PTBP2: variants seen among roughly 807,000 people sequenced by gnomAD.
The protein encoded by PTBP2 is polypyrimidine tract-binding protein 2.
In PTBP2, 13 loss-of-function variants were observed where a neutral mutation model predicts 61.4. The ratio of observed to expected loss-of-function variants is 0.21; its 90% CI spans 0.14 to 0.34. The LOEUF (loss-of-function observed/expected upper bound fraction) is 0.34. Ranked by LOEUF, PTBP2 falls within the 10% of genes least tolerant of loss-of-function variation. The probability of loss-of-function intolerance (pLI) is 1.00; values close to 1 mark genes in which losing one functional copy is unlikely to be tolerated. For missense variants in PTBP2, 405 were observed against 642.6 expected (o/e 0.63, Z 4.00); for synonymous variants, 215 against 218.5 (o/e 0.98, Z 0.14).
chr1:96,791,826 CTTT>C (rs1163642886), intron 8 of PTBP2, among the ~76,000 whole-genome samples: 3 of 66,128 alleles, frequency 4.5e-5, no homozygotes, highest in East Asian at 8.6e-4. Flanking sequence ...TGGAGTTGTG[CTTT>C]TTTTTTTTTT....
Position 96,799,294 on chromosome 1 carries a change from C to CTTTTTTTTTTT in PTBP2, c.905-5497_905-5487dup, listed in dbSNP as rs373815292. On this transcript the variant is annotated intron_variant, in intron 8 of 13. Coordinates refer to ENST00000674951, the MANE Select transcript of PTBP2 (RefSeq NM_021190.4). ...ATAGCAATCCTCAGAATAGATCAAG[C>CTTTTTTTTTTT]TTTTTTTTTTTTTTTTTTTGAGATG... 2.1e-3 allele frequency among the ~76,000 whole-genome samples: 196 copies of CTTTTTTTTTTT among 92,152 alleles called. 20 individuals carry two copies. Among genetic ancestry groups the CTTTTTTTTTTT allele is most frequent in the African/African-American group, 6.6e-3 (137 of 20,644 alleles). The allele number at this position is 92,152 out of a possible 152,430, so 60.5% of individuals were successfully genotyped here.
chr1:96,801,861 C>CACAA (rs1238297863), intron 8 of PTBP2, among the ~76,000 whole-genome samples: 10 of 75,536 alleles, frequency 1.3e-4, no homozygotes, highest in Non-Finnish European at 5.9e-5. Flanking sequence ...GACTCCATCT[C>CACAA]AAAAAAAAAA....
At chr1:96,784,876 T>A in intron 7 of PTBP2, 183 bp from the exon 8 acceptor site, 1 of 494,066 alleles carries the variant, frequency 2.0e-6, no homozygotes, top group Non-Finnish European at 3.5e-6. Flanking sequence ...AGGAAGATAA[T>A]ATTTGGGGGA....
exon 14 of PTBP2, chr1:96,823,621 A>G (rs1662752676): frequency 6.6e-6 from 1 of 152,204 alleles, no homozygotes; most frequent in Non-Finnish European, 1.5e-5. Context: ...GTTTGTGACC[A>G]ACAAAGAAAC....
rs767283936 is a variant in PTBP2, at chr1:96,806,972, A to G, written c.1171+14A>G. On this transcript the variant is annotated intron_variant, in intron 11 of 13. Transcript: ENST00000674951. Reference sequence around the variant, plus strand: ...AATCACAACTTGGTAAGATTAAACTATGTTTTATCTATACATCTTCACTTC... The same window carrying G: ...AATCACAACTTGGTAAGATTAAACTGTGTTTTATCTATACATCTTCACTTC... 14 of 1,558,636 alleles carry G rather than the reference A, an allele frequency of 9.0e-6. No homozygotes were observed. The highest frequency in any genetic ancestry group is 7.2e-5 in the Admixed American group (4 of 55,676).
downstream of PTBP2, chr1:96,818,704 A>G (rs147820391): frequency 5.3e-5 from 8 of 152,238 alleles, no homozygotes; most frequent in East Asian, 1.4e-3. Context: ...ATCAGCTTCA[A>G]AGTTTTTTCC....
At chr1:96,812,630 T>A in intron 11 of PTBP2, 82 bp from the exon 12 acceptor site, 1 of 1,145,930 alleles carries the variant, frequency 8.7e-7, no homozygotes, top group Non-Finnish European at 1.2e-6. Flanking sequence ...AAAATTCAAA[T>A]TTTTAAACTG....
chr1:96,731,144 G>A (rs1412173990), intron 2 of PTBP2, among the ~76,000 whole-genome samples: 1 of 152,104 alleles, frequency 6.6e-6, no homozygotes, highest in African/African-American at 2.4e-5. Flanking sequence ...TTCCTACATC[G>A]ATGGACATTT....
At chr1:96,756,113 A>G (rs952113676) in intron 3 of PTBP2, among the ~76,000 whole-genome samples, 2 of 152,176 alleles carry the variant, frequency 1.3e-5, no homozygotes, top group African/African-American at 2.4e-5. Flanking sequence ...TTAGAAAACT[A>G]TACGGCCGGG....
rs1291344879 is a variant in PTBP2 at position 96,792,168 on chromosome 1, A to G, written c.904+6914A>G. 2.6e-5 allele frequency among the ~76,000 whole-genome samples: 4 copies of G among 151,986 alleles called. No individual in the cohort carries two copies. In the East Asian group the frequency reaches 7.7e-4, roughly 29 times the overall value. On this transcript the variant is annotated intron_variant, in intron 8 of 13. Transcript: ENST00000674951. The stretch of plus-strand genomic sequence containing the variant: ...GAGTTTTTTATGTAATTATTTTGTG[A>G]CACAAACATTTAAAATACTGTAGCT...
Position 96,751,440 on chromosome 1 carries a change from C to T in PTBP2, c.55C>T (p.Leu19=), listed in dbSNP as rs754430032. The T allele has an allele frequency of 2.0e-5, 32 of 1,612,292 alleles. No individual in the cohort carries two copies. The highest frequency in any genetic ancestry group is 2.6e-5 in the Non-Finnish European group (31 of 1,178,846). The change falls in exon 3 of 14, where the codon CTA becomes TTA. Residue 19 remains leucine (L), a synonymous_variant. Coordinates refer to ENST00000674951, the MANE Select transcript of PTBP2 (RefSeq NM_021190.4). The part of the protein sequence containing the change: ...AVGVKRGSDE[L]LSGSVLSSPN... ...GTTTTCATAGAGAGGATCTGACGAA[C>T]TACTCTCAGGCAGTGTTCTCAGTAG...
rs972784426 is a variant in PTBP2, at chr1:96,736,081, C to G, written c.39+12487C>G. ...TCAATGTGTTGAGTGAAAATAGCTG[C>G]CCACCTGTTATTTTATAGCCAGCCA... On this transcript the variant is annotated intron_variant, in intron 2 of 13. Coordinates refer to ENST00000674951, the MANE Select transcript of PTBP2 (RefSeq NM_021190.4). Among the ~76,000 whole-genome samples, 40 of 152,158 alleles carry G rather than the reference C, an allele frequency of 2.6e-4. 1 individual carries two copies. The highest frequency in any genetic ancestry group is 1.8e-3 in the Admixed American group (27 of 15,274).
intron 8 of PTBP2, among the ~76,000 whole-genome samples, chr1:96,788,034 T>C (rs1181511840): frequency 1.3e-5 from 2 of 152,162 alleles, no homozygotes; most frequent in Non-Finnish European, 2.9e-5. Flanking sequence ...TGAGGCTGGG[T>C]GTCCTACTTT....
At chr1:96,735,309 AT>A (rs1174400446) in intron 2 of PTBP2, among the ~76,000 whole-genome samples, 2 of 152,240 alleles carry the variant, frequency 1.3e-5, no homozygotes, top group Non-Finnish European at 2.9e-5. Flanking sequence ...CAGTATTAAC[AT>A]TTAATGTAAG....
intron 8 of PTBP2, among the ~76,000 whole-genome samples, chr1:96,802,211 G>GGAAAA (rs371361869): frequency 3.7e-5 from 2 of 54,002 alleles, no homozygotes; most frequent in African/African-American, 1.6e-4. Flanking sequence ...ACTCCGTCTC[G>GGAAAA]AAAAAAAAAA....
chr1:96,742,266 A>G (rs947535515), intron 2 of PTBP2, among the ~76,000 whole-genome samples: 5 of 152,188 alleles, frequency 3.3e-5, no homozygotes, highest in Non-Finnish European at 7.4e-5. Flanking sequence ...GACATGCTTA[A>G]TGCAGAAAAT....
intron 2 of PTBP2, among the ~76,000 whole-genome samples, chr1:96,737,087 C>T (rs960159066): frequency 9.9e-5 from 15 of 151,938 alleles, no homozygotes; most frequent in African/African-American, 3.6e-4. Flanking sequence ...TCACGCCATT[C>T]TCCTGCCTCA....
chr1:96,726,547 C>G (rs776613227), intron 2 of PTBP2, among the ~76,000 whole-genome samples: 1 of 152,004 alleles, frequency 6.6e-6, no homozygotes, highest in Admixed American at 6.6e-5. Context: ...ACGCCATTCT[C>G]CTGTCTCAGC....
intron 4 of PTBP2, among the ~76,000 whole-genome samples, 196 bp from the exon 5 acceptor site, chr1:96,770,512 G>A (rs1226219482): frequency 6.6e-6 from 1 of 151,788 alleles, no homozygotes; most frequent in Non-Finnish European, 1.5e-5. Flanking sequence ...GCGTGTACTC[G>A]GTTTTCTTCT....
Sources: allele counts gnomAD v4.1 joint callset (sites outside exome capture counted in the v4.1 genomes callset), GRCh38; gene constraint gnomAD v4.1.1; transcripts MANE v1.5; gene names NCBI Gene and HGNC (gene_info 2026-07-23, HGNC 2026-07-21).